Variants in CNTNAP2 observed in about 807,000 individuals in gnomAD.
The protein encoded by CNTNAP2 is contactin-associated protein-like 2.
In CNTNAP2, 98 loss-of-function variants were observed where a neutral mutation model predicts 155.2. The ratio of observed to expected loss-of-function variants is 0.63; its 90% CI spans 0.54 to 0.75. The LOEUF is 0.75. Among genes scored for constraint, CNTNAP2 ranks in the 30% least tolerant of loss-of-function variants. The pLI is 0.00. For synonymous variants in CNTNAP2, 651 were observed against 631.2 expected (o/e 1.03, Z -0.47); for missense variants, 1,727 against 1,688.1 (o/e 1.02, Z -0.40).
intron 3 of CNTNAP2, among the ~76,000 whole-genome samples, chr7:147,003,625 G>T (rs2129241710): frequency 6.6e-6 from 1 of 151,964 alleles, no homozygotes; most frequent in East Asian, 1.9e-4. Flanking sequence ...ATTATTTAGA[G>T]ATATATATAA....
intron 1 of CNTNAP2, among the ~76,000 whole-genome samples, chr7:146,583,839 G>T (rs1192266042): frequency 6.6e-6 from 1 of 152,054 alleles, no homozygotes; most frequent in Admixed American, 6.6e-5. Flanking sequence ...ATACCCTAAA[G>T]ATATTGTGAG....
chr7:146,275,768 A>G (rs908290349), intron 1 of CNTNAP2, among the ~76,000 whole-genome samples: 13 of 152,218 alleles, frequency 8.5e-5, no homozygotes, highest in Admixed American at 3.3e-4. Flanking sequence ...ATGTGATTCT[A>G]TGATTCTCGT....
chr7:146,708,554 C>T (rs148729583), intron 1 of CNTNAP2, among the ~76,000 whole-genome samples: 2 of 125,666 alleles, frequency 1.6e-5, no homozygotes. Context: ...GTTTTGTTCT[C>T]TCCGGGCTCT....
chr7:146,605,163 T>G (rs1799025501), intron 1 of CNTNAP2, among the ~76,000 whole-genome samples: 1 of 151,256 alleles, frequency 6.6e-6, no homozygotes, highest in Admixed American at 6.6e-5. Context: ...TTTTATATCC[T>G]TTCTAAACTG....
intron 8 of CNTNAP2, among the ~76,000 whole-genome samples, chr7:147,264,454 A>G (rs985918946): frequency 1.3e-5 from 2 of 151,866 alleles, no homozygotes; most frequent in Non-Finnish European, 2.9e-5. Flanking sequence ...GTGGGATAAA[A>G]TTTCAGGAAG....
At chr7:146,489,984 G>T (rs762801497) in intron 1 of CNTNAP2, among the ~76,000 whole-genome samples, 1 of 152,164 alleles carries the variant, frequency 6.6e-6, no homozygotes, top group Non-Finnish European at 1.5e-5. Context: ...TGTAAAATCA[G>T]TGATGGGTAG....
chr7:147,369,084 T>C (rs1796295306), intron 9 of CNTNAP2, among the ~76,000 whole-genome samples: 1 of 152,204 alleles, frequency 6.6e-6, no homozygotes. Flanking sequence ...GAAAAAAGTA[T>C]GGGAGACTTT....
intron 1 of CNTNAP2, among the ~76,000 whole-genome samples, chr7:146,637,728 G>A (rs1218382449): frequency 1.3e-5 from 2 of 152,128 alleles, no homozygotes; most frequent in Non-Finnish European, 2.9e-5. Flanking sequence ...ATGCAGAGTA[G>A]GAATTGATTC....
At chr7:148,385,313 T>A (rs561102315) in intron 22 of CNTNAP2, among the ~76,000 whole-genome samples, 1 of 152,316 alleles carries the variant, frequency 6.6e-6, no homozygotes, top group African/African-American at 2.4e-5. Context: ...CTTTTATGAA[T>A]GTTGTTAAGA....
At chr7:148,413,220 C>T (rs537006102) in intron 23 of CNTNAP2, among the ~76,000 whole-genome samples, 36 of 150,492 alleles carry the variant, frequency 2.4e-4, no homozygotes, top group Non-Finnish European at 4.7e-4. Context: ...AGTGAAACCC[C>T]GTCTCTACTA....
At chr7:148,218,091 A>C (rs529551520) in intron 19 of CNTNAP2, among the ~76,000 whole-genome samples, 2 of 152,388 alleles carry the variant, frequency 1.3e-5, no homozygotes, top group South Asian at 4.1e-4. Flanking sequence ...GTGCCACTGC[A>C]CTCCAGGCTG....
intron 13 of CNTNAP2, among the ~76,000 whole-genome samples, chr7:147,822,747 C>A (rs750556760): frequency 5.3e-5 from 8 of 152,136 alleles, no homozygotes; most frequent in Admixed American, 3.3e-4. Context: ...AAGTTGGATG[C>A]TGATGATTAT....
At chr7:147,878,179 T>A (rs1799457193) in intron 13 of CNTNAP2, among the ~76,000 whole-genome samples, 1 of 151,994 alleles carries the variant, frequency 6.6e-6, no homozygotes, top group African/African-American at 2.4e-5. Flanking sequence ...AGTGGAGTGA[T>A]GTATAGGTAT....
At chr7:146,820,683 T>C (rs546638803) in intron 2 of CNTNAP2, among the ~76,000 whole-genome samples, 3 of 152,118 alleles carry the variant, frequency 2.0e-5, no homozygotes, top group East Asian at 1.9e-4. Flanking sequence ...CTATTAGGTC[T>C]GCTTGGTGCA....
intron 9 of CNTNAP2, among the ~76,000 whole-genome samples, chr7:147,377,553 T>G (rs1796457435): frequency 6.6e-6 from 1 of 151,886 alleles, no homozygotes; most frequent in South Asian, 2.1e-4. Flanking sequence ...ATCCTTTAGT[T>G]TAGATGGCTT....
chr7:148,011,722 T>C (rs552669342), intron 15 of CNTNAP2, among the ~76,000 whole-genome samples: 6 of 152,354 alleles, frequency 3.9e-5, no homozygotes, highest in Non-Finnish European at 1.5e-5. Context: ...TGGCTTTTCT[T>C]GGACTCTCAA....
intron 6 of CNTNAP2, among the ~76,000 whole-genome samples, chr7:147,126,996 C>T (rs780685880): frequency 2.0e-5 from 3 of 151,820 alleles, no homozygotes; most frequent in East Asian, 1.9e-4. Context: ...GTGAAAGGTC[C>T]GAATTAAAGA....
chr7:147,091,700 G>C (rs1437559739), intron 4 of CNTNAP2, among the ~76,000 whole-genome samples: 1 of 151,852 alleles, frequency 6.6e-6, no homozygotes, highest in Admixed American at 6.6e-5. Flanking sequence ...CCGCCTCCCA[G>C]GTTGAAGCCA....
intron 1 of CNTNAP2, among the ~76,000 whole-genome samples, chr7:146,455,598 CATA>C (rs1796544046): frequency 6.6e-6 from 1 of 152,142 alleles, no homozygotes; most frequent in Non-Finnish European, 1.5e-5. Flanking sequence ...TCATTCTATA[CATA>C]ATGTTTATAA....
Sources: gnomAD v4.1 joint callset for allele counts (sites outside exome capture counted in the v4.1 genomes callset) on GRCh38, gnomAD v4.1.1 for gene constraint, MANE v1.5 for transcripts, NCBI Gene and HGNC (gene_info 2026-07-23, HGNC 2026-07-21) for gene names.